The following FARP1 variants were observed in gnomAD, a reference collection of about 807,000 sequenced individuals.
FARP1 encodes the protein FERM, ARHGEF and pleckstrin domain-containing protein 1.
In FARP1, 52 loss-of-function variants were observed where a neutral mutation model predicts 128.8. The ratio of observed to expected loss-of-function variants is 0.40; its 90% CI spans 0.32 to 0.51. The LOEUF (loss-of-function observed/expected upper bound fraction) is 0.51. Ranked by LOEUF, FARP1 falls within the 20% of genes least tolerant of loss-of-function variation. FARP1 has a pLI of 0.45. For missense variants in FARP1, 1,333 were observed against 1,367.9 expected, an observed-to-expected ratio of 0.97 and a Z score of 0.40; for synonymous variants, 580 against 551.8, an observed-to-expected ratio of 1.05 and a Z score of -0.72.
chr13:98,309,227 C>T (rs188301176), intron 2 of FARP1, among the ~76,000 whole-genome samples: 4,372 of 118,518 alleles, frequency 0.037, 205 homozygotes, highest in African/African-American at 0.12. Context: ...AGTGCAGTGG[C>T]GCAATCTCGG....
intron 2 of FARP1, among the ~76,000 whole-genome samples, chr13:98,222,622 CTT>C (rs371459791): frequency 7.1e-6 from 1 of 141,250 alleles, no homozygotes; most frequent in African/African-American, 2.6e-5. Context: ...GTGGAGGGTG[CTT>C]TTTTTTTTTG....
intron 19 of FARP1, among the ~76,000 whole-genome samples, chr13:98,438,303 C>A (rs949466448): frequency 6.6e-6 from 1 of 152,038 alleles, no homozygotes; most frequent in African/African-American, 2.4e-5. Context: ...ACAGTGCTCC[C>A]ATGTGGCCTC....
Position 98,379,200 on chromosome 13 carries a change from TATATATA to T in FARP1, c.496+1299_496+1305del, listed in dbSNP as rs1291973635. 3.3e-5 allele frequency among the ~76,000 whole-genome samples: 4 copies of T among 120,278 alleles called. 1 individual carries two copies. The highest frequency in any genetic ancestry group is 3.3e-5 in the Non-Finnish European group (2 of 60,222). The allele number at this position is 120,278 out of a possible 152,430, so 78.9% of individuals were successfully genotyped here. On this transcript the variant is annotated intron_variant, in intron 6 of 26. Coordinates refer to ENST00000319562, the MANE Select transcript of FARP1 (RefSeq NM_005766.4). ...TATATAATATATATAATATATAATA[TATATATA>T]ATATATAATATATAATCTATCTATA...
intron 12 of FARP1, 129 bp downstream of exon 12, chr13:98,393,847 A>C: frequency 5.6e-6 from 4 of 709,242 alleles, no homozygotes; most frequent in South Asian, 3.3e-5. Flanking sequence ...TGAGAATCTG[A>C]TTATGGGCCT....
At chr13:98,390,206 GGGA>G in intron 10 of FARP1, 86 bp downstream of exon 10, 2 of 1,443,058 alleles carry the variant, frequency 1.4e-6, no homozygotes, top group Non-Finnish European at 9.4e-7. Context: ...CAGCAGGTCA[GGGA>G]GGTGAACGCT....
At chr13:98,169,035 G>T (rs959899991) in intron 1 of FARP1, among the ~76,000 whole-genome samples, 2 of 151,588 alleles carry the variant, frequency 1.3e-5, no homozygotes, top group African/African-American at 4.8e-5. Flanking sequence ...GTTTTTTTTT[G>T]TTGTTAAGAT....
chr13:98,287,334 A>G (rs968224646), intron 2 of FARP1, among the ~76,000 whole-genome samples: 1 of 145,370 alleles, frequency 6.9e-6, no homozygotes, highest in African/African-American at 2.6e-5. Flanking sequence ...GGTTCATGCC[A>G]TTCTCCTGCC....
intron 3 of FARP1, among the ~76,000 whole-genome samples, chr13:98,363,312 G>A (rs1462993221): frequency 6.6e-6 from 1 of 152,126 alleles, no homozygotes; most frequent in Non-Finnish European, 1.5e-5. Context: ...TTAGCACAGG[G>A]TCATTTTCAG....
intron 2 of FARP1, among the ~76,000 whole-genome samples, chr13:98,276,987 T>C (rs892118884): frequency 5.3e-5 from 8 of 152,194 alleles, no homozygotes; most frequent in African/African-American, 1.9e-4. Flanking sequence ...TTGCAAAAGG[T>C]GATTGATATG....
intron 2 of FARP1, among the ~76,000 whole-genome samples, chr13:98,326,397 G>A (rs1407624349): frequency 6.6e-6 from 1 of 152,206 alleles, no homozygotes; most frequent in Non-Finnish European, 1.5e-5. Flanking sequence ...ACATTGCTGT[G>A]AAACAGAGGT....
intron 2 of FARP1, chr13:98,244,969 T>A: frequency 1.6e-6 from 2 of 1,236,804 alleles, no homozygotes; most frequent in South Asian, 4.9e-5. Flanking sequence ...ACAGCTTTTC[T>A]GCTGTGGGTT....
At chr13:98,367,293 A>T (rs1031514896) in intron 4 of FARP1, among the ~76,000 whole-genome samples, 1 of 152,006 alleles carries the variant, frequency 6.6e-6, no homozygotes, top group African/African-American at 2.4e-5. Context: ...AGTAGCTGGG[A>T]TTATAGGCGC....
intron 16 of FARP1, among the ~76,000 whole-genome samples, chr13:98,417,484 A>AAAAAAAG (rs1566305247): frequency 7.2e-6 from 1 of 138,402 alleles, no homozygotes. Flanking sequence ...AAAAAAAAAA[A>AAAAAAAG]GAACACATGG....
chr13:98,431,280 G>C lies in FARP1; in HGVS notation c.2143G>C (p.Ala715Pro). 1 of 1,580,258 alleles carries C rather than the reference G, an allele frequency of 6.3e-7. No individual in the cohort carries two copies. The highest frequency in any genetic ancestry group is 8.6e-7 in the Non-Finnish European group (1 of 1,163,390). Residue 715 changes from alanine (A) to proline (P), a missense_variant and splice_region_variant, in exon 18 of 27, where the codon GCC becomes CCC. Physicochemically the swap from Ala to Pro is conservative, Grantham distance 27. Transcript: ENST00000319562. The part of the protein sequence containing the change: ...PSHADFRDCR[A>P]ALAEITEMVA... ...CCACGCCGACTTCAGGGACTGCCGA[G>C]GTGAGTGCTGGGAGCCTGCGCCACC... is the stretch of plus-strand genomic sequence containing the variant.
chr13:98,247,094 G>A (rs995919437), intron 2 of FARP1, among the ~76,000 whole-genome samples: 29 of 152,190 alleles, frequency 1.9e-4, no homozygotes, highest in African/African-American at 6.8e-4. Flanking sequence ...GGGCGTGATG[G>A]CGCATGCCTG....
At chr13:98,227,222 G>A (rs1439832179) in intron 2 of FARP1, among the ~76,000 whole-genome samples, 2 of 152,144 alleles carry the variant, frequency 1.3e-5, no homozygotes, top group African/African-American at 2.4e-5. Flanking sequence ...GATAGCAGGC[G>A]TGAGCCACCG....
At chr13:98,156,885 GT>G (rs1238899869) in intron 1 of FARP1, among the ~76,000 whole-genome samples, 1 of 152,126 alleles carries the variant, frequency 6.6e-6, no homozygotes, top group Non-Finnish European at 1.5e-5. Flanking sequence ...TTTTATTTAT[GT>G]TTTCCTTTCC....
rs770770036 is a variant in FARP1 at position 98,453,463 on chromosome 13, G to A, written c.*5146G>A. On this transcript the variant is annotated 3_prime_UTR_variant, in exon 27 of 27. Coordinates refer to ENST00000319562, the MANE Select transcript of FARP1 (RefSeq NM_005766.4). ...GGGTTCAGCCTCCCTGGAGAGATGT[G>A]AATAAAACGGGAAATCATATCCCTT... 1 of 480,316 alleles carries A rather than the reference G, an allele frequency of 2.1e-6. No homozygotes were observed. Among genetic ancestry groups the A allele is most frequent in the Non-Finnish European group, 3.7e-6 (1 of 273,916 alleles). The allele number at this position is 480,316 out of a possible 1,614,324, so 29.8% of individuals were successfully genotyped here.
intron 16 of FARP1, among the ~76,000 whole-genome samples, chr13:98,423,746 A>G (rs1188213127): frequency 6.6e-6 from 1 of 152,184 alleles, no homozygotes; most frequent in Admixed American, 6.5e-5. Context: ...GACGGTTTCT[A>G]TGAGGACTAA....
Sources: gnomAD v4.1 joint callset for allele counts (sites outside exome capture counted in the v4.1 genomes callset) on GRCh38, gnomAD v4.1.1 for gene constraint, MANE v1.5 for transcripts, NCBI Gene and HGNC (gene_info 2026-07-23, HGNC 2026-07-21) for gene names.